The following MYH4 variants were observed in gnomAD, a reference collection of about 807,000 sequenced individuals.
The protein encoded by MYH4 is myosin heavy chain 4.
Under a neutral mutation model 229.9 loss-of-function variants are expected in MYH4, and 200 were observed. The ratio of observed to expected loss-of-function variants is 0.87; its 90% CI spans 0.78 to 0.98. The LOEUF is 0.98. MYH4 is among the 50% of genes least tolerant of loss of function. The probability of loss-of-function intolerance (pLI) is 0.00; values close to 1 mark genes in which losing one functional copy is unlikely to be tolerated. For synonymous variants in MYH4, 761 were observed against 834.6 expected, an observed-to-expected ratio of 0.91 and a Z score of 1.52; for missense variants, 2,148 against 2,332.6, an observed-to-expected ratio of 0.92 and a Z score of 1.63.
Position 10,443,593 on chromosome 17 carries a change from T to A in MYH4, c.5668-66A>T. On this transcript the variant is annotated intron_variant, in intron 39 of 39. Coordinates refer to ENST00000255381, the MANE Select transcript of MYH4 (RefSeq NM_017533.2). This position sits in a 1 kb window ranked among gnomAD's most constrained non-coding sequence, Gnocchi z 4.6. ...CATTTCCTGATTGTTATTGCTTTTG[T>A]TACTTCAGGATTTGCCTCATGAATG... is the stretch of plus-strand genomic sequence containing the variant. 2 of 1,529,876 alleles carry A rather than the reference T, an allele frequency of 1.3e-6. No homozygotes were observed. The highest frequency in any genetic ancestry group is 1.8e-6 in the Non-Finnish European group (2 of 1,122,776). The allele number at this position is 1,529,876 out of a possible 1,614,324, so 94.8% of individuals were successfully genotyped here.
rs1450761370 is a variant in MYH4 at position 10,452,418 on chromosome 17, G to A, written c.3346C>T (p.Gln1116Ter). ...IQLQKKIKEL[Q>*]ARIEELEEEI... ...AAAAGGTGGAGGTTATAACTTACCT[G>A]TAATTCTTTGATCTTCTTTTGTAGC... Residue 1116 changes from glutamine to a stop codon, truncating the protein, a stop_gained and splice_region_variant, in exon 26 of 40, where the codon CAG becomes TAG. Coordinates refer to ENST00000255381, the MANE Select transcript of MYH4 (RefSeq NM_017533.2). LOFTEE classifies it high-confidence loss of function. The A allele has an allele frequency of 1.9e-6, 3 of 1,614,122 alleles. No homozygotes were observed. The highest frequency in any genetic ancestry group is 1.7e-6 in the Non-Finnish European group (2 of 1,179,992).
Position 10,460,340 on chromosome 17 carries a change from A to C in MYH4, c.1148-19T>G, listed in dbSNP as rs775097454. 2 of 1,545,126 alleles carry C rather than the reference A, an allele frequency of 1.3e-6. No individual in the cohort carries two copies. The highest frequency in any genetic ancestry group is 1.8e-6 in the Non-Finnish European group (2 of 1,124,430). Reference sequence around the variant, plus strand: ...TCAGCAACTGTGTGAACAAGGTGAGAATGGTGAAACTGACCATGGCTTACA... The same window carrying C: ...TCAGCAACTGTGTGAACAAGGTGAGCATGGTGAAACTGACCATGGCTTACA... On this transcript the variant is annotated intron_variant, in intron 12 of 39. Coordinates refer to ENST00000255381, the MANE Select transcript of MYH4 (RefSeq NM_017533.2).
chr17:10,463,172 G>A lies in MYH4; in HGVS notation c.822C>T (p.Ser274=). The change falls in exon 10 of 40, where the codon TCC becomes TCT. Residue 274 remains serine (S), a synonymous_variant. Coordinates refer to ENST00000255381, the MANE Select transcript of MYH4 (RefSeq NM_017533.2). ...ADIETYLLEK[S]RVTFQLKAER... ...CAGCCTTTAGCTGAAAAGTAACTCG[G>A]GACTTCTCTAGCAGATCTGGAAGTC... 1 of 1,613,158 alleles carries A rather than the reference G, an allele frequency of 6.2e-7. No individual in the cohort carries two copies. Among genetic ancestry groups the A allele is most frequent in the Non-Finnish European group, 8.5e-7 (1 of 1,179,518 alleles).
chr17:10,468,274 C>G (rs2072788123), intron 2 of MYH4, among the ~76,000 whole-genome samples: 2 of 152,136 alleles, frequency 1.3e-5, no homozygotes, highest in Non-Finnish European at 2.9e-5. Flanking sequence ...CCAGGAAACA[C>G]AGAAAGATGA....
downstream of MYH4, chr17:10,443,289 T>C: frequency 7.1e-7 from 1 of 1,406,146 alleles, no homozygotes; most frequent in East Asian, 2.3e-5. This position sits in a 1 kb window ranked among gnomAD's most constrained non-coding sequence, Gnocchi z 4.6. Flanking sequence ...TATCTAAAGA[T>C]TTTATTTCCT....
rs2072539685 is a variant in MYH4, at chr17:10,448,686, A to G, written c.4463T>C (p.Val1488Ala). 1 of 1,614,030 alleles carries G rather than the reference A, an allele frequency of 6.2e-7. No individual in the cohort carries two copies. Residue 1488 changes from valine (V) to alanine (A), a missense_variant, in exon 32 of 40, where the codon GTG (valine) becomes GCG (alanine). Coordinates refer to ENST00000255381, the MANE Select transcript of MYH4 (RefSeq NM_017533.2). The stretch of plus-strand genomic sequence containing the variant: ...CAGGGATTCCTCGTAGGCATTCTTC[A>G]CCTTGAACAGCTCAGTGCTGAGAGA... Reference protein sequence around the residue: ...SRSLSTELFKVKNAYEESLDH... With the variant: ...SRSLSTELFKAKNAYEESLDH...
rs370141150 is a variant in MYH4 at position 10,448,917 on chromosome 17, G to A, written c.4312C>T (p.Arg1438Ter). The A allele has an allele frequency of 3.5e-5, 56 of 1,614,008 alleles. No individual in the cohort carries two copies. Among genetic ancestry groups the A allele is most frequent in the Middle Eastern group, 1.6e-4 (1 of 6,084 alleles). Residue 1438 changes from arginine (R) to a stop codon, truncating the protein, a stop_gained, in exon 31 of 40, where the codon CGA becomes TGA. Coordinates refer to ENST00000255381, the MANE Select transcript of MYH4 (RefSeq NM_017533.2). LOFTEE classifies it high-confidence loss of function. ...EVEDLMIDVE[R>*]SNAACIALDK... Reference sequence around the variant, plus strand: ...AGAGCTATGCAGGCAGCATTAGATCGTTCCACATCAATCATGAGGTCCTCT... The same window carrying A: ...AGAGCTATGCAGGCAGCATTAGATCATTCCACATCAATCATGAGGTCCTCT...
chr17:10,457,342 G>A (rs2142222905), intron 16 of MYH4, 78 bp downstream of exon 16: 3 of 1,474,902 alleles, frequency 2.0e-6, no homozygotes, highest in Admixed American at 2.3e-5. Context: ...AGGTTTTGCT[G>A]TAACTACATT....
At position 10,464,553 on chromosome 17, in the gene MYH4, C is replaced by T. The variant is rs777645610; in HGVS notation, c.567G>A (p.Thr189=). 6.8e-6 allele frequency: 11 copies of T among 1,613,920 alleles called. No homozygotes were observed. Among genetic ancestry groups the T allele is most frequent in the South Asian group, 1.1e-5 (1 of 91,070 alleles). The change falls in exon 7 of 40, where the codon ACG becomes ACA. Residue 189 remains threonine (T), a synonymous_variant. Transcript: ENST00000255381. ...GESGAGKTVN[T]KRVIQYFATI... ...TTGCAAAGTACTGGATGACACGCTT[C>T]GTGTTCACAGTCTTCCCTGCACCAG...
intron 16 of MYH4, 144 bp from the exon 17 acceptor site, chr17:10,456,699 C>A (rs2041123): frequency 4.7e-6 from 3 of 634,196 alleles, no homozygotes; most frequent in Non-Finnish European, 8.4e-6. Flanking sequence ...CATATCTCTC[C>A]TCCCTCAATT....
Position 10,448,302 on chromosome 17 carries a change from T to C in MYH4, c.4656+94A>G. 8 of 1,415,990 alleles carry C rather than the reference T, an allele frequency of 5.6e-6. No individual in the cohort carries two copies. In the South Asian group the frequency reaches 1.0e-4, roughly 18 times the overall value. 87.7% of individuals were successfully genotyped at this position (1,415,990 alleles called of 1,614,324 possible). A position where few individuals can be genotyped will look rare whatever the true frequency, so the allele number is the denominator to read the frequency against. On this transcript the variant is annotated intron_variant, in intron 33 of 39. Coordinates refer to ENST00000255381, the MANE Select transcript of MYH4 (RefSeq NM_017533.2). Reference sequence around the variant, plus strand: ...AGTATTTTTCACTGAATTACTTGTGTTATTCCCTAAAGATTTGCAACATGA... The same window carrying C: ...AGTATTTTTCACTGAATTACTTGTGCTATTCCCTAAAGATTTGCAACATGA...
At position 10,452,447 on chromosome 17, in the gene MYH4, A is replaced by T. The variant is rs1003442237; in HGVS notation, c.3317T>A (p.Ile1106Lys). Reference sequence around the variant, plus strand: ...TTCTTTGATCTTCTTTTGTAGCTGTATTGCAAGGGCTTGTTCATCTTCAAT... The same window carrying T: ...TTCTTTGATCTTCTTTTGTAGCTGTTTTGCAAGGGCTTGTTCATCTTCAAT... ...GKIEDEQALA[I>K]QLQKKIKELQ... The change falls in exon 26 of 40, where the codon ATA (isoleucine) becomes AAA (lysine). Residue 1106 changes from isoleucine to lysine, a missense_variant. Transcript: ENST00000255381. 6.2e-7 allele frequency: 1 copy of T among 1,614,120 alleles called. No homozygotes were observed. The highest frequency in any genetic ancestry group is 1.7e-5 in the Admixed American group (1 of 60,020).
chr17:10,457,626 T>C lies in MYH4; in HGVS notation c.1691A>G (p.Asn564Ser), dbSNP rs2072656747. ...KLYEQHLGKSNNFQKPKPAKG... is the reference protein window; with the variant it reads ...KLYEQHLGKSSNFQKPKPAKG... ...GGCAGGCTTGGGCTTCTGGAAGTTG[T>C]TGGATTTTCCAAGATGTTGTTCATA... Residue 564 changes from asparagine to serine, a missense_variant, in exon 16 of 40, where the codon AAC becomes AGC. Asn to Ser is a conservative substitution (Grantham distance 46). Transcript: ENST00000255381. 1 of 1,614,200 alleles carries C rather than the reference T, an allele frequency of 6.2e-7. No homozygotes were observed. The highest frequency in any genetic ancestry group is 1.1e-5 in the South Asian group (1 of 91,088).
At chr17:10,455,969 T>C in intron 17 of MYH4, 68 bp from the exon 18 acceptor site, 1 of 1,581,434 alleles carries the variant, frequency 6.3e-7, no homozygotes, top group African/African-American at 1.4e-5. Flanking sequence ...CCTATCAATA[T>C]TTGTCTTTCA....
rs372084185 is a variant in MYH4 at position 10,464,513 on chromosome 17, C to T, written c.607G>A (p.Gly203Arg). ...IQYFATIAVT[G>R]EKKKEEPASG... ...GCAGGTTCCTCTTTTTTCTTCTCTCCAGTAACTGCAATTGTTGCAAAGTAC... is the reference window on the plus strand; with the variant it reads ...GCAGGTTCCTCTTTTTTCTTCTCTCTAGTAACTGCAATTGTTGCAAAGTAC... Residue 203 changes from glycine to arginine, a missense_variant, in exon 7 of 40, where the codon GGA (glycine) becomes AGA (arginine). Coordinates refer to ENST00000255381, the MANE Select transcript of MYH4 (RefSeq NM_017533.2). 8 of 1,613,910 alleles carry T rather than the reference C, an allele frequency of 5.0e-6. No individual in the cohort carries two copies. The highest frequency in any genetic ancestry group is 4.5e-5 in the East Asian group (2 of 44,878).
chr17:10,451,132 G>A (rs2142215043), intron 28 of MYH4, among the ~76,000 whole-genome samples, 194 bp downstream of exon 28: 1 of 152,250 alleles, frequency 6.6e-6, no homozygotes, highest in South Asian at 2.1e-4. Flanking sequence ...TGAGCCCAGG[G>A]AGCTTAATTC....
At chr17:10,445,702 G>A (rs1287037585) in intron 35 of MYH4, among the ~76,000 whole-genome samples, 1 of 152,116 alleles carries the variant, frequency 6.6e-6, no homozygotes, top group Non-Finnish European at 1.5e-5. Flanking sequence ...ATTAACTCAT[G>A]TTGGTTGACT....
chr17:10,462,524 C>A (rs555766346), intron 11 of MYH4, among the ~76,000 whole-genome samples: 2 of 152,142 alleles, frequency 1.3e-5, no homozygotes, highest in African/African-American at 4.8e-5. Context: ...AGCTCCTTCC[C>A]AGAATCTTGG....
chr17:10,456,049 G>A, intron 17 of MYH4, 148 bp from the exon 18 acceptor site: 1 of 988,522 alleles, frequency 1.0e-6, no homozygotes, highest in South Asian at 1.7e-5. Context: ...TATAAGTGGA[G>A]CACAGGTAGG....
Sources: gnomAD v4.1 joint callset for allele counts (sites outside exome capture counted in the v4.1 genomes callset) on GRCh38, gnomAD v4.1.1 for gene constraint, Gnocchi (gnomAD v3.1) non-coding constraint, MANE v1.5 for transcripts, NCBI Gene and HGNC (gene_info 2026-07-23, HGNC 2026-07-21) for gene names.